Variants in STXBP5L observed in about 807,000 individuals in gnomAD.
STXBP5L encodes syntaxin-binding protein 5-like.
STXBP5L carries 65 observed loss-of-function variants against 144.5 expected under a neutral mutation model. That is an observed-to-expected ratio of 0.45 (90% CI 0.37 to 0.55). The LOEUF (loss-of-function observed/expected upper bound fraction) is 0.55, where lower values mean the gene tolerates loss of function less well. Among genes scored for constraint, STXBP5L ranks in the 20% least tolerant of loss-of-function variants. The pLI is 0.00. For missense variants in STXBP5L, 1,298 were observed against 1,405.5 expected, an observed-to-expected ratio of 0.92 and a Z score of 1.22; for synonymous variants, 505 against 469.6, an observed-to-expected ratio of 1.08 and a Z score of -0.97.
intron 5 of STXBP5L, among the ~76,000 whole-genome samples, chr3:121,094,862 T>C (rs2043030636): frequency 6.6e-6 from 1 of 152,182 alleles, no homozygotes; most frequent in South Asian, 2.1e-4. Flanking sequence ...AGTTTCTTCC[T>C]AGTCTCGATG....
chr3:121,295,511 GA>G (rs1371142338), intron 19 of STXBP5L, among the ~76,000 whole-genome samples: 2 of 151,858 alleles, frequency 1.3e-5, no homozygotes, highest in Non-Finnish European at 2.9e-5. Flanking sequence ...TAATTAGTAG[GA>G]AAAAATATGT....
chr3:121,096,139 A>ATGAACC (rs2043116916), intron 5 of STXBP5L, among the ~76,000 whole-genome samples: 1 of 152,054 alleles, frequency 6.6e-6, no homozygotes, highest in Non-Finnish European at 1.5e-5. Context: ...CCCCAGTGAG[A>ATGAACC]TGAACCCGGT....
intron 22 of STXBP5L, among the ~76,000 whole-genome samples, chr3:121,398,923 C>G (rs1481575276): frequency 6.6e-6 from 1 of 152,128 alleles, no homozygotes; most frequent in African/African-American, 2.4e-5. Flanking sequence ...CTGAATAGAA[C>G]TAAGAGTGGT....
intron 5 of STXBP5L, among the ~76,000 whole-genome samples, chr3:121,113,084 A>G (rs1290194975): frequency 6.6e-6 from 1 of 152,208 alleles, no homozygotes; most frequent in South Asian, 2.1e-4. Context: ...TTTCTATTTA[A>G]TAAGGATGAG....
At chr3:121,250,846 T>A (rs963756029) in intron 15 of STXBP5L, 83 bp downstream of exon 15, 2 of 1,222,582 alleles carry the variant, frequency 1.6e-6, no homozygotes, top group Non-Finnish European at 2.3e-6. Flanking sequence ...TTTGGGCAAT[T>A]AAAATTTCAG....
chr3:121,098,006 T>C (rs1456806839), intron 5 of STXBP5L, among the ~76,000 whole-genome samples: 1 of 152,236 alleles, frequency 6.6e-6, no homozygotes, highest in East Asian at 1.9e-4. Context: ...TTTTCAATCA[T>C]ATACTTTAGC....
intron 19 of STXBP5L, among the ~76,000 whole-genome samples, chr3:121,301,715 G>C (rs912799155): frequency 3.9e-5 from 6 of 152,118 alleles, no homozygotes; most frequent in Non-Finnish European, 8.8e-5. Context: ...TTTGAGATAT[G>C]TCCCATCAAT....
At chr3:121,101,438 A>G (rs1374936718) in intron 5 of STXBP5L, among the ~76,000 whole-genome samples, 5 of 152,196 alleles carry the variant, frequency 3.3e-5, no homozygotes, top group Admixed American at 6.5e-5. Flanking sequence ...TTGATTCAAC[A>G]TATGCAAATC....
chr3:120,975,453 TG>T (rs1375198925), intron 3 of STXBP5L, among the ~76,000 whole-genome samples: 2 of 152,208 alleles, frequency 1.3e-5, no homozygotes, highest in African/African-American at 4.8e-5. Flanking sequence ...GCTGAGACAA[TG>T]GGGTTTTCTA....
At position 121,211,218 on chromosome 3, in the gene STXBP5L, T is replaced by A. The variant is rs147457831; in HGVS notation, c.956+5217T>A. On this transcript the variant is annotated intron_variant, in intron 10 of 26. Transcript: ENST00000471454. Reference sequence around the variant, plus strand: ...ATTGTGAATGTGAGTTTACTCACGATTTGGCTCTCTGTCTGTTATTGGTGT... The same window carrying A: ...ATTGTGAATGTGAGTTTACTCACGAATTGGCTCTCTGTCTGTTATTGGTGT... 4.6e-3 allele frequency among the ~76,000 whole-genome samples: 696 copies of A among 152,350 alleles called. 5 individuals are homozygous for A. The highest frequency in any genetic ancestry group is 0.016 in the African/African-American group (646 of 41,582).
At chr3:121,003,689 T>G (rs1943989073) in intron 3 of STXBP5L, among the ~76,000 whole-genome samples, 1 of 152,238 alleles carries the variant, frequency 6.6e-6, no homozygotes, top group Non-Finnish European at 1.5e-5. Context: ...GTTTCAGGTC[T>G]AACATGTGAG....
At chr3:121,218,176 A>G (rs2048851748) in intron 10 of STXBP5L, among the ~76,000 whole-genome samples, 3 of 141,650 alleles carry the variant, frequency 2.1e-5, no homozygotes, top group East Asian at 2.0e-4. Context: ...ACTATACTAT[A>G]TATAGTATGA....
chr3:121,055,205 A>C (rs991867107), intron 5 of STXBP5L, among the ~76,000 whole-genome samples: 3 of 152,196 alleles, frequency 2.0e-5, no homozygotes, highest in Non-Finnish European at 2.9e-5. Context: ...CATTATGATC[A>C]TAACTTATTG....
intron 2 of STXBP5L, among the ~76,000 whole-genome samples, chr3:120,933,656 C>T (rs1710086864): frequency 6.6e-6 from 1 of 152,104 alleles, no homozygotes; most frequent in Non-Finnish European, 1.5e-5. Flanking sequence ...CAGAAGGAAT[C>T]TGTCTAAAAA....
At chr3:121,173,911 A>G (rs1425846474) in intron 9 of STXBP5L, among the ~76,000 whole-genome samples, 2 of 151,980 alleles carry the variant, frequency 1.3e-5, no homozygotes, top group Non-Finnish European at 2.9e-5. Context: ...TATGGGTTCC[A>G]TGACGCAATT....
At chr3:121,194,819 G>T (rs1248888089) in intron 9 of STXBP5L, among the ~76,000 whole-genome samples, 2 of 148,162 alleles carry the variant, frequency 1.3e-5, no homozygotes, top group African/African-American at 5.0e-5. Context: ...TATCCATTTT[G>T]TACAGGTTAT....
chr3:120,922,090 A>T (rs1464380521), intron 2 of STXBP5L, among the ~76,000 whole-genome samples: 2 of 152,008 alleles, frequency 1.3e-5, no homozygotes, highest in Non-Finnish European at 2.9e-5. Context: ...TTTCCAGTTC[A>T]TGAGTGTGAA....
intron 5 of STXBP5L, among the ~76,000 whole-genome samples, chr3:121,056,282 T>A (rs915279099): frequency 2.6e-5 from 4 of 152,152 alleles, no homozygotes; most frequent in African/African-American, 9.7e-5. Flanking sequence ...AATCATAAAT[T>A]TATGTAATAC....
chr3:121,420,108 C>T lies in STXBP5L; in HGVS notation c.*1011C>T, dbSNP rs1336815759. ...CAGTAGGGTCTGCAATCGAAAGGTG[C>T]TCTTGCAGCCTGACATTCACAAACC... On this transcript the variant is annotated 3_prime_UTR_variant, in exon 27 of 27. Coordinates refer to ENST00000471454, the MANE Select transcript of STXBP5L (RefSeq NM_001308330.2). 1 of 152,224 alleles carries T rather than the reference C, an allele frequency of 6.6e-6. No individual in the cohort carries two copies. Among genetic ancestry groups the T allele is most frequent in the Admixed American group, 6.5e-5 (1 of 15,274 alleles). The allele number at this position is 152,224 out of a possible 1,614,324, so 9.4% of individuals were successfully genotyped here. A position where few individuals can be genotyped will look rare whatever the true frequency, so the allele number is the denominator to read the frequency against.
Sources: gnomAD v4.1 joint callset for allele counts (sites outside exome capture counted in the v4.1 genomes callset) on GRCh38, gnomAD v4.1.1 for gene constraint, MANE v1.5 for transcripts, NCBI Gene and HGNC (gene_info 2026-07-23, HGNC 2026-07-21) for gene names.